BBS9: variants seen among roughly 807,000 people sequenced by gnomAD.
The protein encoded by BBS9 is Bardet-Biedl syndrome 9.
BBS9 carries 89 observed loss-of-function variants against 117.7 expected under a neutral mutation model. That is an observed-to-expected ratio of 0.76 (90% CI 0.64 to 0.90). The LOEUF is 0.90. Among genes scored for constraint, BBS9 ranks in the 40% least tolerant of loss-of-function variants. The probability of loss-of-function intolerance (pLI) is 0.00; values close to 1 mark genes in which losing one functional copy is unlikely to be tolerated. For missense variants in BBS9, 982 were observed against 1,042.2 expected (o/e 0.94, Z 0.80); for synonymous variants, 379 against 370.9 (o/e 1.02, Z -0.25).
intron 5 of BBS9, among the ~76,000 whole-genome samples, chr7:33,186,612 T>A (rs1783178421): frequency 6.6e-6 from 1 of 152,182 alleles, no homozygotes; most frequent in Admixed American, 6.5e-5. Context: ...TTCTGGTTGG[T>A]GCTTTGGTTT....
intron 4 of BBS9, among the ~76,000 whole-genome samples, chr7:33,165,693 G>T (rs1288365767): frequency 6.6e-6 from 1 of 151,924 alleles, no homozygotes; most frequent in African/African-American, 2.4e-5. Flanking sequence ...GGTCATTTAA[G>T]GTCTTCTTCT....
intron 21 of BBS9, among the ~76,000 whole-genome samples, chr7:33,598,749 G>A (rs1425589795): frequency 1.3e-5 from 2 of 152,182 alleles, no homozygotes; most frequent in Non-Finnish European, 2.9e-5. Context: ...TCAAACTTAT[G>A]ATAATAACAC....
downstream of BBS9, among the ~76,000 whole-genome samples, chr7:33,609,017 T>G (rs180900721): frequency 1.6e-4 from 25 of 152,156 alleles, no homozygotes; most frequent in Non-Finnish European, 2.6e-4. Flanking sequence ...TTTTATCCAT[T>G]TTGAGTTAAT....
At chr7:33,360,524 CT>C (rs5883399) in intron 16 of BBS9, among the ~76,000 whole-genome samples, 48 of 141,924 alleles carry the variant, frequency 3.4e-4, no homozygotes, top group Admixed American at 4.2e-4. Flanking sequence ...CAATAAATAC[CT>C]TTTTTTTTTT....
chr7:33,486,477 C>T (rs1348306268), intron 19 of BBS9, among the ~76,000 whole-genome samples: 1 of 152,188 alleles, frequency 6.6e-6, no homozygotes, highest in Non-Finnish European at 1.5e-5. Context: ...TAAGTAGTTG[C>T]TAAACCTAAA....
At position 33,605,102 on chromosome 7, in the gene BBS9, T is replaced by TA. The variant is rs3832511; in HGVS notation, c.2633-92dup. The stretch of plus-strand genomic sequence containing the variant: ...TTTCCAATTTCTTCATTCTTCCCCT[T>TA]AGCACTGGTGCAGCTGAATTTGATC... On this transcript the variant is annotated intron_variant, in intron 22 of 22. Transcript: ENST00000242067. 13,447 of 1,474,356 alleles carry TA rather than the reference T, an allele frequency of 9.1e-3. 431 individuals are homozygous for TA. In the East Asian group the frequency reaches 0.1, roughly 11 times the overall value. The allele number at this position is 1,474,356 out of a possible 1,614,324, so 91.3% of individuals were successfully genotyped here.
chr7:33,134,581 G>C (rs1010005599), intron 1 of BBS9, among the ~76,000 whole-genome samples: 1 of 151,958 alleles, frequency 6.6e-6, no homozygotes, highest in Non-Finnish European at 1.5e-5. Context: ...TTTTGATAAA[G>C]TCTACTTTAT....
rs1583656168 is a variant in BBS9 at position 33,213,255 on chromosome 7, G to A, written c.442+35664G>A. On this transcript the variant is annotated intron_variant, in intron 5 of 22. Coordinates refer to ENST00000242067, the MANE Select transcript of BBS9 (RefSeq NM_198428.3). ...ACAGGTAGAGGAGCCTCTTCCTGTG[G>A]GCACCACTACCACTGGCCCACAGAA... Among the ~76,000 whole-genome samples, 3 of 152,218 alleles carry A rather than the reference G, an allele frequency of 2.0e-5. No homozygotes were observed. In the East Asian group the frequency reaches 5.8e-4, roughly 29 times the overall value.
intron 4 of BBS9, among the ~76,000 whole-genome samples, chr7:33,177,151 T>C (rs1421434244): frequency 6.6e-6 from 1 of 152,206 alleles, no homozygotes. Context: ...AGAGAACTTA[T>C]TTATTTCAGA....
intron 5 of BBS9, among the ~76,000 whole-genome samples, chr7:33,185,484 G>A (rs1232386808): frequency 6.6e-6 from 1 of 152,162 alleles, no homozygotes; most frequent in Non-Finnish European, 1.5e-5. Context: ...AGTAGCTTTA[G>A]TCCTTAAATA....
intron 21 of BBS9, among the ~76,000 whole-genome samples, chr7:33,580,703 G>GTTAT (rs1379181380): frequency 6.6e-6 from 1 of 152,152 alleles, no homozygotes; most frequent in Admixed American, 6.5e-5. Flanking sequence ...GCAGATGGGA[G>GTTAT]TTATTCATTC....
chr7:33,153,368 G>A (rs938076699), intron 3 of BBS9, among the ~76,000 whole-genome samples: 7 of 152,110 alleles, frequency 4.6e-5, no homozygotes, highest in African/African-American at 1.7e-4. Context: ...ATTTATTTTA[G>A]AAAACTGTTT....
chr7:33,408,243 G>C (rs539723696), intron 19 of BBS9, among the ~76,000 whole-genome samples: 23 of 152,204 alleles, frequency 1.5e-4, no homozygotes, highest in Non-Finnish European at 2.5e-4. Flanking sequence ...CTCTGAGCCA[G>C]GTGCGGGATA....
intron 17 of BBS9, among the ~76,000 whole-genome samples, chr7:33,372,322 C>A (rs1823027818): frequency 6.6e-6 from 1 of 152,050 alleles, no homozygotes; most frequent in African/African-American, 2.4e-5. Flanking sequence ...AGGTACATTC[C>A]TTGTGTACCT....
chr7:33,357,693 G>T (rs1438213565), intron 15 of BBS9, 162 bp from the exon 16 acceptor site: 2 of 759,572 alleles, frequency 2.6e-6, no homozygotes, highest in South Asian at 2.9e-5. Context: ...AATGAAATAT[G>T]AATCATGATA....
chr7:33,224,529 A>T (rs574096033), intron 5 of BBS9, among the ~76,000 whole-genome samples: 1 of 152,244 alleles, frequency 6.6e-6, no homozygotes, highest in Non-Finnish European at 1.5e-5. Flanking sequence ...GTAACACCAA[A>T]TTTTTCTGGC....
chr7:33,507,524 C>T (rs544941352), intron 20 of BBS9, among the ~76,000 whole-genome samples: 6 of 152,110 alleles, frequency 3.9e-5, no homozygotes, highest in South Asian at 2.1e-4. Flanking sequence ...GATTACAAGG[C>T]GTGAACTATC....
chr7:33,422,667 T>C (rs1056006044), intron 19 of BBS9, among the ~76,000 whole-genome samples: 3 of 152,248 alleles, frequency 2.0e-5, no homozygotes, highest in Admixed American at 1.3e-4. Context: ...CAAAAGATTA[T>C]ATTTGGCTCT....
At chr7:33,138,771 G>A (rs1427308048) in intron 1 of BBS9, among the ~76,000 whole-genome samples, 1 of 150,572 alleles carries the variant, frequency 6.6e-6, no homozygotes. Flanking sequence ...TGGTGGGGGG[G>A]AAAGATGGGG....
Sources: allele counts gnomAD v4.1 joint callset (sites outside exome capture counted in the v4.1 genomes callset), GRCh38; gene constraint gnomAD v4.1.1; transcripts MANE v1.5; gene names NCBI Gene and HGNC (gene_info 2026-07-23, HGNC 2026-07-21).